Variants in EPHA7 observed in about 807,000 individuals in gnomAD.
EPHA7 encodes the protein ephrin type-A receptor 7.
EPHA7 carries 25 observed loss-of-function variants against 112.6 expected under a neutral mutation model. That is an observed-to-expected ratio of 0.22 (90% CI 0.16 to 0.31). The LOEUF (loss-of-function observed/expected upper bound fraction) is 0.31. Ranked by LOEUF, EPHA7 falls within the 10% of genes least tolerant of loss-of-function variation. The pLI is 1.00. For missense variants in EPHA7, 962 were observed against 1,212.6 expected (o/e 0.79, Z 3.07); for synonymous variants, 437 against 406.5 (o/e 1.07, Z -0.90).
intron 5 of EPHA7, among the ~76,000 whole-genome samples, chr6:93,338,207 T>A (rs953707420): frequency 6.6e-6 from 1 of 152,084 alleles, no homozygotes. Context: ...CCATCCAAAT[T>A]CAGAGTGCTT....
At chr6:93,383,821 C>CATA (rs753913753) in intron 3 of EPHA7, among the ~76,000 whole-genome samples, 35 of 152,224 alleles carry the variant, frequency 2.3e-4, no homozygotes, top group Non-Finnish European at 4.4e-4. Flanking sequence ...CTTCAGCTTT[C>CATA]ATAGTAGCTG....
chr6:93,357,085 C>T, intron 4 of EPHA7, 33 bp from the exon 5 acceptor site: 2 of 1,471,778 alleles, frequency 1.4e-6, no homozygotes, highest in South Asian at 2.5e-5. Flanking sequence ...AGTAAATAAG[C>T]AAAAATAGAA....
At chr6:93,414,809 T>C in intron 1 of EPHA7, 42 bp from the exon 2 acceptor site, 1 of 1,505,476 alleles carries the variant, frequency 6.6e-7, no homozygotes. Context: ...CATGAAACAC[T>C]TACGCACACA....
At chr6:93,419,212 G>A (rs766141605) in intron 1 of EPHA7, 33 bp downstream of exon 1, 2 of 1,575,084 alleles carry the variant, frequency 1.3e-6, no homozygotes, top group South Asian at 1.1e-5. Context: ...AAATAAATAA[G>A]TCAGAACAAA....
intron 10 of EPHA7, 81 bp downstream of exon 10, chr6:93,259,269 ATAAT>A (rs1770580312): frequency 2.6e-6 from 4 of 1,535,466 alleles, no homozygotes; most frequent in Middle Eastern, 1.9e-4. Context: ...TACTTGAGGG[ATAAT>A]TATTTGCCTG....
intron 3 of EPHA7, among the ~76,000 whole-genome samples, chr6:93,386,681 C>A (rs575889536): frequency 6.6e-6 from 1 of 150,376 alleles, no homozygotes; most frequent in Non-Finnish European, 1.5e-5. Flanking sequence ...AGGTTCTCCA[C>A]GAGGGCTCCA....
chr6:93,369,917 G>T (rs1776702832), intron 3 of EPHA7, among the ~76,000 whole-genome samples: 1 of 152,292 alleles, frequency 6.6e-6, no homozygotes, highest in African/African-American at 2.4e-5. Context: ...CAATAGGACT[G>T]ATGTGGCACA....
At chr6:93,399,383 G>A (rs1252771856) in intron 3 of EPHA7, among the ~76,000 whole-genome samples, 1 of 151,830 alleles carries the variant, frequency 6.6e-6, no homozygotes, top group African/African-American at 2.4e-5. Flanking sequence ...AAATAAAGAA[G>A]TTTGTTTACA....
In EPHA7 at chr6:93,380,553, T is replaced by C. The variant is rs537115862; in HGVS notation, c.833-22142A>G. Among the ~76,000 whole-genome samples the C allele has an allele frequency of 5.3e-5, 8 of 152,184 alleles. No homozygotes were observed. The East Asian group carries it at 1.5e-3, about 29-fold the overall frequency. On this transcript the variant is annotated intron_variant, in intron 3 of 16. Transcript: ENST00000369303. ...GATGAGAATATCAGTTTTTACACAT[T>C]AGTTCAGGAAAGTGATAGTCTGAAA... is the stretch of plus-strand genomic sequence containing the variant.
intron 16 of EPHA7, 104 bp from the exon 17 acceptor site, chr6:93,243,644 G>T (rs1280336654): frequency 1.1e-5 from 8 of 758,078 alleles, no homozygotes; most frequent in Admixed American, 3.8e-5. Context: ...TAGCCAAATA[G>T]ATCTTATCTT....
chr6:93,401,632 CT>C (rs1178042613), intron 3 of EPHA7, among the ~76,000 whole-genome samples: 14 of 152,116 alleles, frequency 9.2e-5, no homozygotes, highest in African/African-American at 3.4e-4. Flanking sequence ...ATGTGACCTT[CT>C]ACTTTTCACA....
intron 3 of EPHA7, among the ~76,000 whole-genome samples, chr6:93,406,408 C>T (rs923572271): frequency 3.3e-5 from 5 of 151,568 alleles, no homozygotes; most frequent in South Asian, 2.1e-4. Context: ...CCAGGCATAT[C>T]GGGCATATGG....
At chr6:93,287,110 C>A (rs1213154608) in intron 5 of EPHA7, among the ~76,000 whole-genome samples, 2 of 152,180 alleles carry the variant, frequency 1.3e-5, no homozygotes, top group Admixed American at 1.3e-4. Flanking sequence ...TGGTGTGACA[C>A]TACAAATTAC....
In EPHA7 at chr6:93,257,474, A is replaced by T. The variant is rs376794821; in HGVS notation, c.2160T>A (p.Asp720Glu). ...CTTTGGTACTTACCCTGAGAAATGC[A>T]TCTAGGGCTCCATTTTCCATGAACT... The part of the protein sequence containing the change: ...VIEFMENGAL[D>E]AFLRKHDGQF... The change falls in exon 12 of 17, where the codon GAT (aspartate) becomes GAA (glutamate). Residue 720 changes from aspartate to glutamate, a missense_variant. Coordinates refer to ENST00000369303, the MANE Select transcript of EPHA7 (RefSeq NM_004440.4). The T allele has an allele frequency of 2.5e-6, 4 of 1,610,778 alleles. No homozygotes were observed. The African/African-American group carries it at 4.0e-5, about 16-fold the overall frequency.
chr6:93,361,272 T>C (rs186091954), intron 3 of EPHA7, among the ~76,000 whole-genome samples: 38 of 152,174 alleles, frequency 2.5e-4, no homozygotes, highest in Admixed American at 2.5e-3. Context: ...AGCAAGCCAG[T>C]TTTCATTTGA....
At chr6:93,298,310 A>ATGT (rs1772780428) in intron 5 of EPHA7, among the ~76,000 whole-genome samples, 1 of 152,162 alleles carries the variant, frequency 6.6e-6, no homozygotes, top group Non-Finnish European at 1.5e-5. Flanking sequence ...AAATTTTAAC[A>ATGT]TAAAATTTAA....
intron 3 of EPHA7, among the ~76,000 whole-genome samples, chr6:93,391,752 T>A (rs904412080): frequency 6.6e-6 from 1 of 151,860 alleles, no homozygotes; most frequent in African/African-American, 2.4e-5. Flanking sequence ...AGCTGGTTAA[T>A]TAGTTACCTA....
At chr6:93,265,097 C>G (rs887921048) in intron 7 of EPHA7, among the ~76,000 whole-genome samples, 1 of 151,436 alleles carries the variant, frequency 6.6e-6, no homozygotes, top group Non-Finnish European at 1.5e-5. Context: ...AAATCAGAAC[C>G]AAAATACATA....
chr6:93,248,344 G>GA (rs2127848438), intron 14 of EPHA7, among the ~76,000 whole-genome samples: 1 of 152,008 alleles, frequency 6.6e-6, no homozygotes, highest in African/African-American at 2.4e-5. Context: ...TTGTATAAGG[G>GA]AAAAAAGTAT....
Sources: allele counts gnomAD v4.1 joint callset (sites outside exome capture counted in the v4.1 genomes callset), GRCh38; gene constraint gnomAD v4.1.1; transcripts MANE v1.5; gene names NCBI Gene and HGNC (gene_info 2026-07-23, HGNC 2026-07-21).